Variants in IGLL5 observed in about 807,000 individuals in gnomAD.
IGLL5 encodes the protein immunoglobulin lambda like polypeptide 5.
In IGLL5, 30 loss-of-function variants were observed where a neutral mutation model predicts 20.9. The observed-to-expected ratio is 1.44, with a 90% CI of 1.07 to 1.95. The LOEUF is 1.95. Ranked by LOEUF, IGLL5 falls within the 30% of genes most tolerant of loss-of-function variation. The probability of loss-of-function intolerance (pLI) is 0.00; values close to 1 mark genes in which losing one functional copy is unlikely to be tolerated. For synonymous variants in IGLL5, 203 were observed against 117.3 expected (o/e 1.73, Z -4.72); for missense variants, 475 against 270.7 (o/e 1.75, Z -5.30).
At chr22:22,894,367 G>A (rs532746463) in intron 2 of IGLL5, among the ~76,000 whole-genome samples, 14 of 151,436 alleles carry the variant, frequency 9.2e-5, no homozygotes, top group South Asian at 8.4e-4. Flanking sequence ...CTAGGCTGCA[G>A]CTCTGTGGCC....
chr22:22,888,447 T>G (rs191436738), intron 1 of IGLL5, among the ~76,000 whole-genome samples, 188 bp downstream of exon 1: 7 of 151,402 alleles, frequency 4.6e-5, no homozygotes, highest in East Asian at 4.0e-4. Context: ...CTGTTTTTAA[T>G]ATCATATTAC....
intron 2 of IGLL5, among the ~76,000 whole-genome samples, chr22:22,894,225 G>C (rs146230936): frequency 4.6e-5 from 7 of 151,274 alleles, no homozygotes; most frequent in South Asian, 4.2e-4. Flanking sequence ...GTCTAGGGGA[G>C]CAGCCCCAAG....
chr22:22,894,059 A>T (rs1601623067), intron 2 of IGLL5, among the ~76,000 whole-genome samples: 3 of 151,432 alleles, frequency 2.0e-5, no homozygotes, highest in Admixed American at 6.6e-5. Flanking sequence ...GGGCAGGGTC[A>T]GGGCTCCTCC....
intron 1 of IGLL5, among the ~76,000 whole-genome samples, 174 bp downstream of exon 1, chr22:22,888,433 A>T (rs186581925): frequency 5.3e-5 from 8 of 151,398 alleles, no homozygotes; most frequent in East Asian, 4.0e-4. Context: ...ATTTGTTTGA[A>T]TTACTGTTTT....
At chr22:22,891,978 G>A (rs1382493924) in intron 1 of IGLL5, among the ~76,000 whole-genome samples, 1 of 150,956 alleles carries the variant, frequency 6.6e-6, no homozygotes, top group East Asian at 2.0e-4. Context: ...CTCTTTTTCT[G>A]TAATATTTAT....
intron 1 of IGLL5, among the ~76,000 whole-genome samples, chr22:22,888,530 C>G (rs1228171360): frequency 5.3e-5 from 8 of 151,362 alleles, no homozygotes; most frequent in East Asian, 2.0e-4. Context: ...CCTCAATCAC[C>G]TAGTCCTAGT....
Position 22,888,115 on chromosome 22 carries a change from G to C in IGLL5, c.62G>C (p.Arg21Thr), listed in dbSNP as rs773694665. 3 of 1,549,566 alleles carry C rather than the reference G, an allele frequency of 1.9e-6. No homozygotes were observed. The highest frequency in any genetic ancestry group is 1.2e-5 in the South Asian group (1 of 83,982). The change falls in exon 1 of 3, where the codon AGG (arginine) becomes ACG (threonine). Residue 21 changes from arginine to threonine, a missense_variant. Coordinates refer to ENST00000526893, the MANE Select transcript of IGLL5 (RefSeq NM_001178126.2). Reference protein sequence around the residue: ...ETPEELGPGPRQRWPLLLLGL... With the variant: ...ETPEELGPGPTQRWPLLLLGL... ...CCTGAGGAGCTGGGCCCTGGTCCCA[G>C]GCAGCGCTGGCCCCTGCTGCTGCTG...
intron 1 of IGLL5, among the ~76,000 whole-genome samples, chr22:22,888,524 A>C (rs976218362): frequency 5.9e-5 from 9 of 151,412 alleles, no homozygotes; most frequent in Non-Finnish European, 8.8e-5. Context: ...TCAGTGCCTC[A>C]ATCACCTAGT....
In IGLL5 at chr22:22,889,486, A is replaced by G. The variant is rs530770373; in HGVS notation, c.206+1227A>G. On this transcript the variant is annotated intron_variant, in intron 1 of 2. Transcript: ENST00000526893. The stretch of plus-strand genomic sequence containing the variant: ...ATCAAAGCTGTAACCAAATCTTTAT[A>G]ACAAGGGTGGTTAGCTCAGCATTAT... Among the ~76,000 whole-genome samples the G allele has an allele frequency of 5.9e-5, 9 of 151,366 alleles. No individual in the cohort carries two copies. In the East Asian group the frequency reaches 6.0e-4, roughly 10 times the overall value.
At chr22:22,894,737 A>T (rs1601628417) in intron 2 of IGLL5, among the ~76,000 whole-genome samples, 2 of 151,126 alleles carry the variant, frequency 1.3e-5, no homozygotes, top group African/African-American at 4.9e-5. Context: ...GCTGAGGTGA[A>T]GGGTTCTGTG....
intron 2 of IGLL5, among the ~76,000 whole-genome samples, chr22:22,894,271 A>T (rs149674183): frequency 5.3e-5 from 8 of 150,756 alleles, no homozygotes; most frequent in East Asian, 4.1e-4. Flanking sequence ...CTGGATGCCA[A>T]TCCAGCCTGG....
In IGLL5 at chr22:22,895,534, A is replaced by G. The variant is rs532939005; in HGVS notation, c.485A>G (p.Glu162Gly). 1 of 1,612,780 alleles carries G rather than the reference A, an allele frequency of 6.2e-7. No homozygotes were observed. Among genetic ancestry groups the G allele is most frequent in the East Asian group, 2.2e-5 (1 of 44,672 alleles). The change falls in exon 3 of 3, where the codon GAG becomes GGG. Residue 162 changes from glutamate (E) to glycine (G), a missense_variant. Coordinates refer to ENST00000526893, the MANE Select transcript of IGLL5 (RefSeq NM_001178126.2). ...ADGSPVKAGV[E>G]TTKPSKQSNN... Reference sequence around the variant, plus strand: ...GGCAGCCCCGTCAAGGCGGGAGTGGAGACCACCAAACCCTCCAAACAGAGC... The same window carrying G: ...GGCAGCCCCGTCAAGGCGGGAGTGGGGACCACCAAACCCTCCAAACAGAGC...
intron 1 of IGLL5, among the ~76,000 whole-genome samples, chr22:22,893,066 A>G (rs1466613773): frequency 6.6e-6 from 1 of 151,178 alleles, no homozygotes; most frequent in Admixed American, 6.6e-5. Context: ...CCCAGCATAA[A>G]AACAGTACCT....
chr22:22,894,562 C>T (rs1601627275), intron 2 of IGLL5, among the ~76,000 whole-genome samples: 7 of 151,514 alleles, frequency 4.6e-5, no homozygotes, highest in South Asian at 2.1e-4. Flanking sequence ...CGGCCTCCTG[C>T]CTTCCTCAAA....
Position 22,895,421 on chromosome 22 carries a change from T to G in IGLL5, c.372T>G (p.Ser124=). Residue 124 remains serine, a synonymous_variant, in exon 3 of 3, where the codon TCT becomes TCG. Transcript: ENST00000526893. ...NPTVTLFPPS[S]EELQANKATL... is the part of the protein sequence containing the mutation. ...CTGTCACTCTGTTCCCGCCCTCCTC[T>G]GAGGAGCTCCAAGCCAACAAGGCCA... 1 of 1,612,932 alleles carries G rather than the reference T, an allele frequency of 6.2e-7. No homozygotes were observed. Among genetic ancestry groups the G allele is most frequent in the Non-Finnish European group, 8.5e-7 (1 of 1,179,526 alleles).
At chr22:22,893,547 G>A (rs2067913830) in intron 1 of IGLL5, 153 bp from the exon 2 acceptor site, 2 of 601,876 alleles carry the variant, frequency 3.3e-6, no homozygotes, top group South Asian at 2.0e-5. Flanking sequence ...AGAGAGGAAA[G>A]ACACACACTG....
chr22:22,891,248 C>G (rs1385525412), intron 1 of IGLL5, among the ~76,000 whole-genome samples: 1 of 150,378 alleles, frequency 6.6e-6, no homozygotes, highest in Non-Finnish European at 1.5e-5. Context: ...TCTTTACTTC[C>G]CCTGGAGTTT....
intron 2 of IGLL5, among the ~76,000 whole-genome samples, chr22:22,894,581 T>A (rs184695461): frequency 6.6e-6 from 1 of 151,476 alleles, no homozygotes; most frequent in African/African-American, 2.4e-5. Flanking sequence ...AAGGGCATGT[T>A]AGACTCAGGA....
chr22:22,893,486 G>T (rs892804567), intron 1 of IGLL5, among the ~76,000 whole-genome samples: 3 of 151,146 alleles, frequency 2.0e-5, no homozygotes, highest in African/African-American at 7.3e-5. Context: ...GTCACTCAGG[G>T]AGTTGCTGGG....
Sources: allele counts gnomAD v4.1 joint callset (sites outside exome capture counted in the v4.1 genomes callset), GRCh38; gene constraint gnomAD v4.1.1; transcripts MANE v1.5; gene names NCBI Gene and HGNC (gene_info 2026-07-23, HGNC 2026-07-21).